The following CTBP2 variants were observed in gnomAD, a reference collection of about 807,000 sequenced individuals.
CTBP2 encodes C-terminal binding protein 2.
A neutral mutation model predicts 80.3 loss-of-function variants in CTBP2; 30 were observed. The observed-to-expected ratio is 0.37, with a 90% CI of 0.28 to 0.51. The LOEUF is 0.51. Among genes scored for constraint, CTBP2 ranks in the 20% least tolerant of loss-of-function variants. CTBP2 has a pLI of 0.93. For missense variants in CTBP2, 1,212 were observed against 1,375.3 expected (o/e 0.88, Z 1.88); for synonymous variants, 594 against 587.4 (o/e 1.01, Z -0.16).
chr10:125,082,978 G>A (rs1366307279), intron 2 of CTBP2, among the ~76,000 whole-genome samples: 1 of 152,184 alleles, frequency 6.6e-6, no homozygotes, highest in Non-Finnish European at 1.5e-5. Context: ...AATGCTCCAG[G>A]AGAGGGTTTC....
intron 2 of CTBP2, among the ~76,000 whole-genome samples, chr10:125,042,706 G>C (rs985882680): frequency 1.3e-5 from 2 of 151,566 alleles, no homozygotes; most frequent in Non-Finnish European, 2.9e-5. Context: ...CACTCGGTGG[G>C]AGCCTGCAGG....
At chr10:125,139,045 C>G (rs868155818) in intron 1 of CTBP2, among the ~76,000 whole-genome samples, 2 of 152,210 alleles carry the variant, frequency 1.3e-5, no homozygotes, top group Middle Eastern at 6.8e-3. Context: ...CTCCATCTTC[C>G]CTGCTTGGCA....
At chr10:125,159,690 A>G (rs538797416) in intron 1 of CTBP2, among the ~76,000 whole-genome samples, 6 of 143,976 alleles carry the variant, frequency 4.2e-5, no homozygotes, top group East Asian at 2.0e-4. Context: ...CGACTTCCCC[A>G]CGGAACCCCT....
At chr10:125,039,234 C>T in intron 2 of CTBP2, 79 bp from the exon 3 acceptor site, 2 of 544,166 alleles carry the variant, frequency 3.7e-6, no homozygotes, top group Non-Finnish European at 6.4e-6. Flanking sequence ...GACTTAACTG[C>T]TACTTTCTAT....
chr10:125,032,503 C>T (rs775133803), upstream of CTBP2, among the ~76,000 whole-genome samples: 1 of 152,196 alleles, frequency 6.6e-6, no homozygotes, highest in Non-Finnish European at 1.5e-5. Context: ...CCAATTCTGT[C>T]ACTTTGTCCT....
intron 2 of CTBP2, among the ~76,000 whole-genome samples, chr10:125,109,626 T>G (rs1187609310): frequency 6.6e-6 from 1 of 152,158 alleles, no homozygotes; most frequent in Non-Finnish European, 1.5e-5. Context: ...GAGCCTTAAG[T>G]GTTCAAAGAT....
At position 125,026,281 on chromosome 10, in the gene CTBP2, C is replaced by T. The variant is rs756272059; in HGVS notation, c.1479G>A (p.Arg493=). ...GCGGAGAGGCGGCCACGTTGCGCTCCCTCTTTAGCAGCTCCATGGGCACCG... is the reference window on the plus strand; with the variant it reads ...GCGGAGAGGCGGCCACGTTGCGCTCTCTCTTTAGCAGCTCCATGGGCACCG... Residue 493 remains arginine, a synonymous_variant, in exon 1 of 9, where the codon AGG becomes AGA. Transcript: ENST00000309035. 2.4e-5 allele frequency: 38 copies of T among 1,613,908 alleles called. No individual in the cohort carries two copies. The South Asian group carries it at 4.1e-4, about 17-fold the overall frequency.
intron 2 of CTBP2, among the ~76,000 whole-genome samples, chr10:125,073,798 C>G (rs141840915): frequency 6.6e-6 from 1 of 152,204 alleles, no homozygotes; most frequent in South Asian, 2.1e-4. Context: ...TCTCTGCGTG[C>G]TGCCCCCCGG....
intron 2 of CTBP2, among the ~76,000 whole-genome samples, chr10:125,057,451 C>A (rs1287412730): frequency 2.6e-5 from 4 of 152,218 alleles, no homozygotes; most frequent in African/African-American, 9.6e-5. Context: ...TGAAATCCGT[C>A]TGGGCCCCTG....
At chr10:125,068,941 C>T (rs1427708543) in intron 2 of CTBP2, among the ~76,000 whole-genome samples, 4 of 152,194 alleles carry the variant, frequency 2.6e-5, no homozygotes, top group Admixed American at 6.5e-5. Flanking sequence ...GATCCTGACA[C>T]GCGACCTTAG....
intron 1 of CTBP2, among the ~76,000 whole-genome samples, chr10:125,140,314 C>T (rs1440434254): frequency 6.6e-6 from 1 of 151,810 alleles, no homozygotes; most frequent in South Asian, 2.1e-4. Flanking sequence ...CAAGATGCAC[C>T]GAGATCACGG....
intron 1 of CTBP2, among the ~76,000 whole-genome samples, chr10:125,159,409 C>T (rs1194438405): frequency 6.9e-6 from 1 of 145,348 alleles, no homozygotes; most frequent in African/African-American, 2.5e-5. Flanking sequence ...GCCCGGCCCG[C>T]CCGGCCCCCG....
At position 125,027,093 on chromosome 10, in the gene CTBP2, G is replaced by A. The variant is rs368381338; in HGVS notation, c.667C>T (p.Pro223Ser). Residue 223 changes from proline to serine, a missense_variant, in exon 1 of 9, where the codon CCT becomes TCT. Pro to Ser is a moderately conservative substitution (Grantham distance 74). This residue lies in a region of CTBP2 where 848 missense variants were observed against 782.3 expected (regional missense o/e 1.08). Transcript: ENST00000309035. ...CACGTCGGGGCCACCTGTCTGGCAG[G>A]GGCAGGGTCAATGGGTCTTTCGCTG... 2 of 1,611,006 alleles carry A rather than the reference G, an allele frequency of 1.2e-6. No homozygotes were observed. Among genetic ancestry groups the A allele is most frequent in the South Asian group, 1.1e-5 (1 of 90,938 alleles).
At chr10:125,126,457 G>C (rs139971576) in intron 1 of CTBP2, among the ~76,000 whole-genome samples, 1,531 of 152,302 alleles carry the variant, frequency 0.01, 24 homozygotes, top group African/African-American at 0.034. Flanking sequence ...CGTATGGATA[G>C]GAAGCACCAG....
At chr10:125,053,333 A>G (rs1963206609) in intron 2 of CTBP2, among the ~76,000 whole-genome samples, 1 of 152,214 alleles carries the variant, frequency 6.6e-6, no homozygotes, top group South Asian at 2.1e-4. Context: ...CCGCCACTCT[A>G]TCTTTTGAAT....
chr10:125,026,016 C>G (rs1309362542), intron 1 of CTBP2: 3 of 1,514,592 alleles, frequency 2.0e-6, no homozygotes, highest in Non-Finnish European at 2.7e-6. Flanking sequence ...GTTCAAACTT[C>G]TACAACCCCG....
At chr10:125,046,081 A>G (rs1446206485) in intron 2 of CTBP2, among the ~76,000 whole-genome samples, 2 of 151,932 alleles carry the variant, frequency 1.3e-5, no homozygotes, top group African/African-American at 4.8e-5. Flanking sequence ...AAAAAAAAAT[A>G]CATGGCTTCC....
rs942647994 is a variant in CTBP2, at chr10:125,063,823, A to G, written c.-101-24668T>C. Among the ~76,000 whole-genome samples, 9 of 152,358 alleles carry G rather than the reference A, an allele frequency of 5.9e-5. No individual in the cohort carries two copies. In the East Asian group the frequency reaches 1.5e-3, roughly 26 times the overall value. ...CACAGCTCTCCCGTGGCTATGTCACAGCGATTCTCAAAGCCACAGGGTGTC... is the reference window on the plus strand; with the variant it reads ...CACAGCTCTCCCGTGGCTATGTCACGGCGATTCTCAAAGCCACAGGGTGTC... On this transcript the variant is annotated intron_variant, in intron 2 of 10. Coordinates refer to the CTBP2 transcript ENST00000337195.
intron 3 of CTBP2, among the ~76,000 whole-genome samples, chr10:125,036,361 T>C (rs1958867107): frequency 6.6e-6 from 1 of 151,918 alleles, no homozygotes; most frequent in Admixed American, 6.6e-5. Flanking sequence ...GATGTTGGCA[T>C]TGTGTAGCAG....
Sources: gnomAD v4.1 joint callset for allele counts (sites outside exome capture counted in the v4.1 genomes callset) on GRCh38, gnomAD v4.1.1 for gene constraint, gnomAD v4.1.1 regional missense constraint, MANE v1.5 for transcripts, NCBI Gene and HGNC (gene_info 2026-07-23, HGNC 2026-07-21) for gene names.